THRAP3: variants seen among roughly 807,000 people sequenced by gnomAD.
THRAP3 encodes thyroid hormone receptor associated protein 3.
A neutral mutation model predicts 101.0 loss-of-function variants in THRAP3; 16 were observed. That is an observed-to-expected ratio of 0.16 (90% CI 0.11 to 0.24). The LOEUF is 0.24. Among genes scored for constraint, THRAP3 ranks in the 10% least tolerant of loss-of-function variants. The pLI, the probability that THRAP3 is intolerant of heterozygous loss-of-function variation, is 1.00. For missense variants in THRAP3, 989 were observed against 1,202.7 expected (o/e 0.82, Z 2.63); for synonymous variants, 407 against 422.6 (o/e 0.96, Z 0.45).
At chr1:36,218,206 A>T in the THRAP3 span, among the ~76,000 whole-genome samples, 1 of 151,806 alleles carries the variant, frequency 6.6e-6, no homozygotes, top group African/African-American at 2.4e-5. Flanking sequence ...CTCTGCTAAA[A>T]AAAAATATAT....
intron 9 of THRAP3, among the ~76,000 whole-genome samples, chr1:36,297,957 C>G (rs903755270): frequency 2.7e-5 from 4 of 148,228 alleles, no homozygotes; most frequent in African/African-American, 9.9e-5. Flanking sequence ...CCAGCCTGGC[C>G]AATATCGTGA....
intron 1 of THRAP3, among the ~76,000 whole-genome samples, chr1:36,227,659 A>G (rs1570215738): frequency 6.6e-6 from 1 of 152,272 alleles, no homozygotes; most frequent in East Asian, 1.9e-4. Context: ...AAGTATGGAA[A>G]ATGGATTGTG....
upstream of THRAP3, among the ~76,000 whole-genome samples, chr1:36,223,279 TG>T (rs139423239): frequency 2.5e-3 from 386 of 152,304 alleles, 1 homozygote; most frequent in African/African-American, 9.0e-3. Flanking sequence ...GGGCAAGGGC[TG>T]ATGTGGCGTG....
chr1:36,241,393 A>G (rs1322829967), intron 1 of THRAP3, among the ~76,000 whole-genome samples: 20 of 4,146 alleles, frequency 4.8e-3, no homozygotes, highest in African/African-American at 6.2e-3. Context: ...GTGTATATAT[A>G]TATATATATA....
chr1:36,230,414 A>G (rs1353919179), intron 1 of THRAP3, among the ~76,000 whole-genome samples: 1 of 150,998 alleles, frequency 6.6e-6, no homozygotes, highest in Admixed American at 6.6e-5. Context: ...CACCGCGCCC[A>G]GCCCTGGCTA....
chr1:36,288,903 T>C (rs1645829151), intron 4 of THRAP3, 157 bp from the exon 5 acceptor site: 1 of 985,260 alleles, frequency 1.0e-6, no homozygotes, highest in Non-Finnish European at 1.2e-6. Flanking sequence ...TTTTCAGAAA[T>C]TATTACGAAG....
intron 1 of THRAP3, among the ~76,000 whole-genome samples, chr1:36,228,528 T>A (rs1010874313): frequency 6.6e-6 from 1 of 152,180 alleles, no homozygotes; most frequent in African/African-American, 2.4e-5. Flanking sequence ...CTAATTTTTG[T>A]ATTTTTAGTA....
At position 36,286,658 on chromosome 1, in the gene THRAP3, C is replaced by T; in HGVS notation, c.428C>T (p.Ser143Phe). Residue 143 changes from serine to phenylalanine, a missense_variant, in exon 4 of 12, where the codon TCT (serine) becomes TTT (phenylalanine). Transcript: ENST00000354618. This position sits in a 1 kb window ranked among gnomAD's most constrained non-coding sequence, Gnocchi z 5.5. Reference protein sequence around the residue: ...RSPSPRSRSHSRNSDKSSSDR... With the variant: ...RSPSPRSRSHFRNSDKSSSDR... ...CCTTCACCAAGGTCCAGGAGCCATTCTAGAAACTCTGATAAGTCGTCTTCT... is the reference window on the plus strand; with the variant it reads ...CCTTCACCAAGGTCCAGGAGCCATTTTAGAAACTCTGATAAGTCGTCTTCT... The T allele has an allele frequency of 6.2e-7, 1 of 1,614,204 alleles. No individual in the cohort carries two copies.
chr1:36,253,662 T>C (rs1444446074), intron 1 of THRAP3, among the ~76,000 whole-genome samples: 1 of 151,880 alleles, frequency 6.6e-6, no homozygotes, highest in African/African-American at 2.4e-5. Context: ...GATGAGATCA[T>C]AGCTCACTGC....
Position 36,232,158 on chromosome 1 carries a change from G to A in THRAP3, c.-135+7653G>A, listed in dbSNP as rs1411669514. ...TTGAACCCGGGAGGCAAAGGTTGCAGTGAGCTGAGGTTGTACCACTATACT... is the reference window on the plus strand; with the variant it reads ...TTGAACCCGGGAGGCAAAGGTTGCAATGAGCTGAGGTTGTACCACTATACT... On this transcript the variant is annotated intron_variant, in intron 1 of 11. Coordinates refer to ENST00000354618, the MANE Select transcript of THRAP3 (RefSeq NM_005119.4). 1.6e-4 allele frequency among the ~76,000 whole-genome samples: 24 copies of A among 152,206 alleles called. 1 individual carries two copies. Among genetic ancestry groups the A allele is most frequent in the Admixed American group, 1.6e-3 (24 of 15,266 alleles).
chr1:36,273,495 T>C (rs917237564), intron 2 of THRAP3, among the ~76,000 whole-genome samples: 2 of 152,198 alleles, frequency 1.3e-5, no homozygotes, highest in African/African-American at 2.4e-5. Flanking sequence ...ACTGAATGCT[T>C]TCTCCTTAAG....
In THRAP3 at chr1:36,304,997, T is replaced by G. The variant is rs1486649637; in HGVS notation, c.*980T>G. 1 of 211,112 alleles carries G rather than the reference T, an allele frequency of 4.7e-6. No individual in the cohort carries two copies. Among genetic ancestry groups the G allele is most frequent in the Non-Finnish European group, 9.6e-6 (1 of 104,116 alleles). The allele number at this position is 211,112 out of a possible 1,614,324, so 13.1% of individuals were successfully genotyped here. On this transcript the variant is annotated 3_prime_UTR_variant, in exon 12 of 12. Coordinates refer to ENST00000354618, the MANE Select transcript of THRAP3 (RefSeq NM_005119.4). ...TGGCTGGGTGGTTCAGGGGTTTTTTTGGGTTTCTTTTTTTTTTTCTTTGTC... is the reference window on the plus strand; with the variant it reads ...TGGCTGGGTGGTTCAGGGGTTTTTTGGGGTTTCTTTTTTTTTTTCTTTGTC...
chr1:36,255,072 A>T (rs930797148), intron 1 of THRAP3, among the ~76,000 whole-genome samples: 3 of 152,128 alleles, frequency 2.0e-5, no homozygotes, highest in African/African-American at 7.2e-5. Flanking sequence ...CTAAGCTGTC[A>T]TCTTATGCTT....
Position 36,304,051 on chromosome 1 carries a change from G to T in THRAP3, c.*34G>T. ...CTTGACGGGATTCCTGCCCAGGGGA[G>T]AGAGGCGCTGGGAAGATGGCTGGTG... On this transcript the variant is annotated 3_prime_UTR_variant, in exon 12 of 12. Transcript: ENST00000354618. The T allele has an allele frequency of 6.8e-7, 1 of 1,469,226 alleles. No homozygotes were observed. The highest frequency in any genetic ancestry group is 9.0e-7 in the Non-Finnish European group (1 of 1,108,978). The allele number at this position is 1,469,226 out of a possible 1,614,324, so 91.0% of individuals were successfully genotyped here.
chr1:36,225,523 A>G (rs1644951694), intron 1 of THRAP3: 1 of 152,222 alleles, frequency 6.6e-6, no homozygotes, highest in South Asian at 2.1e-4. Flanking sequence ...TAAAATAAAA[A>G]TCACTTAGCC....
At position 36,300,984 on chromosome 1, in the gene THRAP3, A is replaced by C; in HGVS notation, c.2402A>C (p.Glu801Ala). ...KAEEYTEETE[E>A]REESTTGFDK... ...GAAGAGTACACTGAAGAGACAGAGG[A>C]AAGAGAGGAGAGCACCACGGGCTTT... Residue 801 changes from glutamate (E) to alanine (A), a missense_variant, in exon 10 of 12, where the codon GAA becomes GCA. Transcript: ENST00000354618. The C allele has an allele frequency of 6.2e-7, 1 of 1,614,192 alleles. No homozygotes were observed. The highest frequency in any genetic ancestry group is 1.1e-5 in the South Asian group (1 of 91,076).
chr1:36,284,758 G>A (rs1645775197), intron 3 of THRAP3, among the ~76,000 whole-genome samples: 1 of 152,230 alleles, frequency 6.6e-6, no homozygotes, highest in Non-Finnish European at 1.5e-5. Context: ...AGAAGCAGCA[G>A]TAGCCTGTGA....
the THRAP3 span, among the ~76,000 whole-genome samples, chr1:36,214,993 G>A: frequency 1.3e-4 from 19 of 151,926 alleles, no homozygotes; most frequent in Non-Finnish European, 1.9e-4. Flanking sequence ...AGGCCGAGGC[G>A]GGCGGATTAT....
chr1:36,272,493 C>T (rs1397769719), intron 2 of THRAP3, among the ~76,000 whole-genome samples: 1 of 152,236 alleles, frequency 6.6e-6, no homozygotes, highest in East Asian at 1.9e-4. Flanking sequence ...GTGTCTTTTA[C>T]TCAGGAGATG....
Sources: gnomAD v4.1 joint callset for allele counts (sites outside exome capture counted in the v4.1 genomes callset) on GRCh38, gnomAD v4.1.1 for gene constraint, Gnocchi (gnomAD v3.1) non-coding constraint, MANE v1.5 for transcripts, NCBI Gene and HGNC (gene_info 2026-07-23, HGNC 2026-07-21) for gene names.